The following CAMTA1 variants were observed in gnomAD, a reference collection of about 807,000 sequenced individuals.
The protein encoded by CAMTA1 is calmodulin binding transcription activator 1.
In CAMTA1, 27 loss-of-function variants were observed where a neutral mutation model predicts 170.9. That is an observed-to-expected ratio of 0.16 (90% CI 0.12 to 0.22). The LOEUF (loss-of-function observed/expected upper bound fraction) is 0.22, where lower values mean the gene tolerates loss of function less well. Ranked by LOEUF, CAMTA1 falls within the 10% of genes least tolerant of loss-of-function variation. The pLI, the probability that CAMTA1 is intolerant of heterozygous loss-of-function variation, is 1.00. For synonymous variants in CAMTA1, 833 were observed against 891.5 expected (o/e 0.93, Z 1.17); for missense variants, 1,619 against 2,217.2 (o/e 0.73, Z 5.42).
intron 6 of CAMTA1, among the ~76,000 whole-genome samples, chr1:7,601,812 G>A (rs1173307133): frequency 6.3e-4 from 96 of 151,258 alleles, no homozygotes; most frequent in African/African-American, 2.1e-3. Context: ...ATGGCGGCGC[G>A]CGCCTGCAAT....
At chr1:7,172,045 C>A (rs1014382851) in intron 4 of CAMTA1, among the ~76,000 whole-genome samples, 7 of 152,186 alleles carry the variant, frequency 4.6e-5, no homozygotes, top group African/African-American at 1.7e-4. Flanking sequence ...CATCCCTGTT[C>A]CATTTTTCCT....
rs1679170622 is a variant in CAMTA1 at position 7,325,734 on chromosome 1, A to G, written c.438+76108A>G. Among the ~76,000 whole-genome samples, 1 of 152,196 alleles carries G rather than the reference A, an allele frequency of 6.6e-6. No homozygotes were observed. Among genetic ancestry groups the G allele is most frequent in the Non-Finnish European group, 1.5e-5 (1 of 68,034 alleles). On this transcript the variant is annotated intron_variant, in intron 5 of 22. Transcript: ENST00000303635. This position sits in a 1 kb window ranked among gnomAD's most constrained non-coding sequence, Gnocchi z 5.0. ...GAAGCAGTTTTGGAGGAAGCATGGGAGATCTGCTGTGGACATACTGCATTT... is the reference window on the plus strand; with the variant it reads ...GAAGCAGTTTTGGAGGAAGCATGGGGGATCTGCTGTGGACATACTGCATTT...
chr1:6,901,764 C>G (rs1229458726), intron 3 of CAMTA1, among the ~76,000 whole-genome samples: 1 of 152,070 alleles, frequency 6.6e-6, no homozygotes, highest in East Asian at 1.9e-4. Context: ...AAACTCTTGC[C>G]TGGTGCGGTG....
intron 5 of CAMTA1, among the ~76,000 whole-genome samples, chr1:7,452,929 T>G (rs553437709): frequency 6.6e-6 from 1 of 152,230 alleles, no homozygotes; most frequent in African/African-American, 2.4e-5. Context: ...TTTTGAGGAA[T>G]GGGCCACAGT....
At chr1:7,477,422 C>T (rs2093438260) in intron 6 of CAMTA1, among the ~76,000 whole-genome samples, 1 of 152,174 alleles carries the variant, frequency 6.6e-6, no homozygotes, top group South Asian at 2.1e-4. Flanking sequence ...AAGGTAGACA[C>T]TGGGAATTTA....
At chr1:7,367,930 C>G (rs963339541) in intron 5 of CAMTA1, among the ~76,000 whole-genome samples, 2 of 130,802 alleles carry the variant, frequency 1.5e-5, no homozygotes, top group Non-Finnish European at 3.2e-5. Context: ...TATGGTTTCA[C>G]TGGGTGCAGG....
intron 4 of CAMTA1, among the ~76,000 whole-genome samples, chr1:7,177,276 G>A (rs947978072): frequency 3.6e-5 from 5 of 140,080 alleles, no homozygotes; most frequent in Admixed American, 7.1e-5. Flanking sequence ...TTCCCAACAC[G>A]CAGGCTCCTC....
intron 22 of CAMTA1, among the ~76,000 whole-genome samples, chr1:7,765,211 T>C (rs1185773848): frequency 1.3e-5 from 2 of 152,196 alleles, no homozygotes; most frequent in Admixed American, 1.3e-4. Flanking sequence ...CCACAAACTG[T>C]GACTTACACC....
At chr1:7,038,912 C>T (rs1027535791) in intron 3 of CAMTA1, among the ~76,000 whole-genome samples, 1 of 151,904 alleles carries the variant, frequency 6.6e-6, no homozygotes. Context: ...TAGTGGCAGG[C>T]GCCTGTAATC....
At chr1:7,474,849 A>C (rs1389250195) in intron 6 of CAMTA1, among the ~76,000 whole-genome samples, 3 of 152,234 alleles carry the variant, frequency 2.0e-5, no homozygotes, top group South Asian at 2.1e-4. Flanking sequence ...GTGTCTCCCC[A>C]GAAGTGCAGC....
intron 11 of CAMTA1, among the ~76,000 whole-genome samples, chr1:7,678,263 T>A (rs1422888351): frequency 6.6e-6 from 1 of 152,208 alleles, no homozygotes; most frequent in African/African-American, 2.4e-5. Flanking sequence ...ACCAGCCAAA[T>A]CTTCTCCTGG....
chr1:7,276,291 A>ATTTTTTTTTTTTTTTTTTTT (rs1257658481), intron 5 of CAMTA1, among the ~76,000 whole-genome samples: 2 of 51,308 alleles, frequency 3.9e-5, no homozygotes, highest in South Asian at 8.7e-4. Context: ...ATATATATAT[A>ATTTTTTTTTTTTTTTTTTTT]TATATATATA....
At chr1:7,420,677 C>A (rs2091503457) in intron 5 of CAMTA1, among the ~76,000 whole-genome samples, 1 of 152,160 alleles carries the variant, frequency 6.6e-6, no homozygotes, top group South Asian at 2.1e-4. Flanking sequence ...ATGCGTATAA[C>A]CTCCCAGTCC....
intron 6 of CAMTA1, among the ~76,000 whole-genome samples, chr1:7,638,316 C>T (rs753677733): frequency 2.0e-5 from 3 of 152,130 alleles, no homozygotes; most frequent in Non-Finnish European, 2.9e-5. Context: ...CGTCTGATAT[C>T]CTGCCATGTT....
intron 3 of CAMTA1, among the ~76,000 whole-genome samples, chr1:6,957,363 C>G (rs1282420091): frequency 2.6e-5 from 4 of 152,052 alleles, no homozygotes; most frequent in Non-Finnish European, 5.9e-5. Context: ...TAAAGTGACA[C>G]AAATGTACTA....
intron 6 of CAMTA1, among the ~76,000 whole-genome samples, chr1:7,566,619 G>A (rs1055659188): frequency 7.9e-5 from 12 of 152,058 alleles, no homozygotes; most frequent in African/African-American, 2.7e-4. Context: ...TCTCAAAACC[G>A]ATGTGACACC....
chr1:7,100,949 A>C (rs1432854071), intron 4 of CAMTA1, among the ~76,000 whole-genome samples: 1 of 152,200 alleles, frequency 6.6e-6, no homozygotes, highest in Non-Finnish European at 1.5e-5. Context: ...CCTGTGATGC[A>C]CGTTGGGGTG....
chr1:7,024,028 CAA>C (rs35095557), intron 3 of CAMTA1, among the ~76,000 whole-genome samples: 50 of 96,090 alleles, frequency 5.2e-4, no homozygotes, highest in South Asian at 7.6e-4. Context: ...GACTCTGTCT[CAA>C]AAAAAAAAAA....
At position 7,665,157 on chromosome 1, in the gene CAMTA1, G is replaced by A. The variant is rs1227734593; in HGVS notation, c.2610G>A (p.Val870=). 2.7e-6 allele frequency: 4 copies of A among 1,497,544 alleles called. No homozygotes were observed. The East Asian group carries it at 9.2e-5, about 34-fold the overall frequency. The allele number at this position is 1,497,544 out of a possible 1,614,324, so 92.8% of individuals were successfully genotyped here. ...GCATGCTGCAGCAGAGCGGACGGGT[G>A]TTCATGGTGACCGACTACTCCCCAG... ...TLGMLQQSGR[V]FMVTDYSPEW... Residue 870 remains valine (V), a synonymous_variant, in exon 9 of 23, where the codon GTG becomes GTA. Transcript: ENST00000303635. This position sits in a 1 kb window ranked among gnomAD's most constrained non-coding sequence, Gnocchi z 4.3.
Sources: gnomAD v4.1 joint callset for allele counts (sites outside exome capture counted in the v4.1 genomes callset) on GRCh38, gnomAD v4.1.1 for gene constraint, Gnocchi (gnomAD v3.1) non-coding constraint, MANE v1.5 for transcripts, NCBI Gene and HGNC (gene_info 2026-07-23, HGNC 2026-07-21) for gene names.